MGAT5: variants seen among roughly 807,000 people sequenced by gnomAD.
The protein encoded by MGAT5 is alpha-1,6-mannosylglycoprotein 6-beta-N-acetylglucosaminyltransferase, also known as alpha-1,6-mannosylglycoprotein 6-beta-N-acetylglucosaminyltransferase A.
A neutral mutation model predicts 94.3 loss-of-function variants in MGAT5; 30 were observed. The observed-to-expected ratio is 0.32, with a 90% confidence interval of 0.24 to 0.43. The LOEUF is 0.43. MGAT5 is among the 20% of genes least tolerant of loss of function. MGAT5 has a pLI of 1.00. For missense variants in MGAT5, 691 were observed against 905.5 expected (o/e 0.76, Z 3.04); for synonymous variants, 310 against 322.9 (o/e 0.96, Z 0.43).
At chr2:134,347,182 A>T (rs1413168575) in intron 8 of MGAT5, among the ~76,000 whole-genome samples, 2 of 152,328 alleles carry the variant, frequency 1.3e-5, no homozygotes, top group Non-Finnish European at 2.9e-5. Flanking sequence ...GAAAACTATA[A>T]TGTCAAACCT....
chr2:134,414,630 T>G (rs1021333165), intron 12 of MGAT5, among the ~76,000 whole-genome samples: 2 of 152,220 alleles, frequency 1.3e-5, no homozygotes, highest in African/African-American at 4.8e-5. Context: ...TAAAAACACT[T>G]AAGATCTCCT....
At chr2:134,294,021 G>A (rs1452048763) in intron 2 of MGAT5, among the ~76,000 whole-genome samples, 1 of 152,112 alleles carries the variant, frequency 6.6e-6, no homozygotes, top group African/African-American at 2.4e-5. Context: ...TGTTTTAGGT[G>A]GATCTAGAAA....
chr2:134,358,042 A>C (rs1679857945), intron 9 of MGAT5, among the ~76,000 whole-genome samples: 1 of 152,192 alleles, frequency 6.6e-6, no homozygotes, highest in African/African-American at 2.4e-5. Flanking sequence ...GACAATCAGT[A>C]TTCTTCTTCA....
intron 10 of MGAT5, among the ~76,000 whole-genome samples, chr2:134,369,142 T>G (rs1680622953): frequency 6.6e-6 from 1 of 152,226 alleles, no homozygotes; most frequent in South Asian, 2.1e-4. Context: ...GGAAACTACT[T>G]GATGACTGAA....
At chr2:134,274,500 A>ATGTGATAGTTACAATCCTAGAT (rs141629898) in intron 2 of MGAT5, among the ~76,000 whole-genome samples, 12,045 of 151,932 alleles carry the variant, frequency 0.079, 1,001 homozygotes, top group African/African-American at 0.21. Context: ...ACAATCCTAG[A>ATGTGATAGTTACAATCCTAGAT]TGTGATAGTT....
chr2:134,220,529 A>T (rs1175181286), intron 1 of MGAT5, among the ~76,000 whole-genome samples: 1 of 152,130 alleles, frequency 6.6e-6, no homozygotes, highest in Non-Finnish European at 1.5e-5. Flanking sequence ...TGTAATTAAG[A>T]GCTGATTTGT....
At chr2:134,432,216 T>C (rs1291793056) in intron 14 of MGAT5, among the ~76,000 whole-genome samples, 1 of 152,264 alleles carries the variant, frequency 6.6e-6, no homozygotes, top group Non-Finnish European at 1.5e-5. Context: ...ATTAAAACCA[T>C]ACATATGCTC....
intron 6 of MGAT5, 30 bp downstream of exon 6, chr2:134,338,450 G>C (rs1235328819): frequency 6.4e-7 from 1 of 1,555,664 alleles, no homozygotes; most frequent in African/African-American, 1.4e-5. Context: ...AGTGCAGTTA[G>C]ATGCCAGCTT....
intron 10 of MGAT5, among the ~76,000 whole-genome samples, chr2:134,387,353 T>TA (rs1682097396): frequency 2.2e-5 from 3 of 133,584 alleles, no homozygotes; most frequent in East Asian, 2.2e-4. Context: ...TTTTTTTTTT[T>TA]ACCAAACCAG....
At chr2:134,154,266 G>C (rs1687372142) in intron 1 of MGAT5, among the ~76,000 whole-genome samples, 1 of 152,180 alleles carries the variant, frequency 6.6e-6, no homozygotes, top group Non-Finnish European at 1.5e-5. Context: ...TATCTCAGAT[G>C]AAGTCTTTCA....
chr2:134,238,243 A>G (rs1218689856), intron 1 of MGAT5, among the ~76,000 whole-genome samples: 6 of 152,156 alleles, frequency 3.9e-5, no homozygotes, highest in Non-Finnish European at 8.8e-5. Context: ...TTGTGCCTCA[A>G]TTTTCCCTAC....
chr2:134,226,653 C>T (rs185355282), intron 1 of MGAT5, among the ~76,000 whole-genome samples: 25 of 152,248 alleles, frequency 1.6e-4, no homozygotes, highest in Admixed American at 4.6e-4. Flanking sequence ...CTAGTGTAGA[C>T]AGAAAGTCTG....
chr2:134,378,077 T>C (rs1168833928), intron 10 of MGAT5, among the ~76,000 whole-genome samples: 2 of 152,196 alleles, frequency 1.3e-5, no homozygotes, highest in South Asian at 2.1e-4. Flanking sequence ...AGCTCCAAAT[T>C]CATCGTTTCT....
chr2:134,147,093 G>A (rs932060079), intron 1 of MGAT5, among the ~76,000 whole-genome samples: 1 of 151,240 alleles, frequency 6.6e-6, no homozygotes. Flanking sequence ...GCTCTCTCTC[G>A]CTCTCTTTCT....
rs537442822 is a variant in MGAT5 at position 134,157,248 on chromosome 2, T to G, written c.-143+36957T>G. On this transcript the variant is annotated intron_variant, in intron 1 of 16. Transcript: ENST00000409645. ...GTTAATTTTTTTGTTTTGACAGATA[T>G]ATCATGGTTTTGTAAGATGTTAACT... Among the ~76,000 whole-genome samples, 4 of 152,328 alleles carry G rather than the reference T, an allele frequency of 2.6e-5. No homozygotes were observed. The East Asian group carries it at 7.7e-4, about 29-fold the overall frequency.
At chr2:134,187,964 A>G (rs1257174) in intron 1 of MGAT5, among the ~76,000 whole-genome samples, 59,375 of 152,138 alleles carry the variant, frequency 0.39, 11,665 homozygotes, top group Middle Eastern at 0.53. Flanking sequence ...CTGTGGTGAA[A>G]GAGACGGTGC....
intron 2 of MGAT5, among the ~76,000 whole-genome samples, chr2:134,309,869 T>C (rs1223863036): frequency 6.6e-6 from 1 of 152,190 alleles, no homozygotes; most frequent in Non-Finnish European, 1.5e-5. Context: ...AATTCGACAA[T>C]TCTGCCATAA....
chr2:134,235,228 C>T (rs1681573891), intron 1 of MGAT5, among the ~76,000 whole-genome samples: 1 of 152,126 alleles, frequency 6.6e-6, no homozygotes, highest in South Asian at 2.1e-4. Context: ...TGTTTCTCTT[C>T]CCTCAGTACC....
intron 1 of MGAT5, among the ~76,000 whole-genome samples, chr2:134,130,206 C>T (rs1014387212): frequency 4.3e-4 from 37 of 85,942 alleles, no homozygotes; most frequent in East Asian, 9.5e-4. Flanking sequence ...GAGCCCGCCC[C>T]GCCCCACACC....
Sources: allele counts gnomAD v4.1 joint callset (sites outside exome capture counted in the v4.1 genomes callset), GRCh38; gene constraint gnomAD v4.1.1; transcripts MANE v1.5; gene names NCBI Gene and HGNC (gene_info 2026-07-23, HGNC 2026-07-21).